CSTPP1: variants seen among roughly 807,000 people sequenced by gnomAD.
CSTPP1 encodes the protein UPF0705 protein C11orf49.
the CSTPP1 span, among the ~76,000 whole-genome samples, chr11:47,117,179 G>T: frequency 1.3e-5 from 2 of 152,168 alleles, no homozygotes; most frequent in Non-Finnish European, 2.9e-5. Context: ...CTGTCATTAA[G>T]ATGTTCGCTG....
At chr11:46,954,974 T>A in the CSTPP1 span, among the ~76,000 whole-genome samples, 3 of 152,006 alleles carry the variant, frequency 2.0e-5, no homozygotes, top group Non-Finnish European at 4.4e-5. Flanking sequence ...AGTGATGGGG[T>A]CACCAAAGCC....
the CSTPP1 span, among the ~76,000 whole-genome samples, chr11:47,077,345 A>G: frequency 6.6e-6 from 1 of 151,852 alleles, no homozygotes; most frequent in African/African-American, 2.4e-5. Flanking sequence ...GATTAGAGGC[A>G]CCCGCCACCA....
chr11:47,115,352 G>C, the CSTPP1 span, among the ~76,000 whole-genome samples: 1 of 152,206 alleles, frequency 6.6e-6, no homozygotes, highest in African/African-American at 2.4e-5. Context: ...CATAAAATGA[G>C]TTAGGGAGGA....
the CSTPP1 span, among the ~76,000 whole-genome samples, chr11:47,054,864 C>T: frequency 6.6e-6 from 1 of 150,734 alleles, no homozygotes; most frequent in Admixed American, 6.6e-5. Context: ...AAGTTTTTGG[C>T]TTGGGCCACT....
chr11:46,978,791 C>T, the CSTPP1 span, among the ~76,000 whole-genome samples: 3 of 152,170 alleles, frequency 2.0e-5, no homozygotes, highest in African/African-American at 4.8e-5. Flanking sequence ...TCCCCACCTT[C>T]GTGCAGAGCC....
At chr11:47,016,322 A>G in the CSTPP1 span, among the ~76,000 whole-genome samples, 1 of 151,712 alleles carries the variant, frequency 6.6e-6, no homozygotes, top group East Asian at 1.9e-4. Flanking sequence ...AAGGCAAGAA[A>G]ACTTGAAAAA....
the CSTPP1 span, among the ~76,000 whole-genome samples, chr11:47,127,445 T>C: frequency 1.3e-5 from 2 of 152,186 alleles, no homozygotes; most frequent in Admixed American, 1.3e-4. Flanking sequence ...CTGTTATTCA[T>C]TCATCAATAA....
the CSTPP1 span, among the ~76,000 whole-genome samples, chr11:46,983,670 C>T: frequency 1.3e-5 from 2 of 152,122 alleles, no homozygotes; most frequent in Admixed American, 6.6e-5. Flanking sequence ...TGACACTCTC[C>T]GTGTTTTATT....
the CSTPP1 span, among the ~76,000 whole-genome samples, chr11:47,087,727 G>T: frequency 2.0e-5 from 3 of 152,254 alleles, no homozygotes; most frequent in Admixed American, 2.0e-4. Context: ...ATGTGTGTGT[G>T]TGTGTGTGTG....
At chr11:47,087,717 A>ATGTG in the CSTPP1 span, among the ~76,000 whole-genome samples, 35 of 150,196 alleles carry the variant, frequency 2.3e-4, 1 homozygote, top group African/African-American at 7.3e-4. Context: ...TGTCAAATGT[A>ATGTG]TGTGTGTGTG....
the CSTPP1 span, among the ~76,000 whole-genome samples, chr11:47,080,472 C>G: frequency 3.9e-5 from 6 of 152,018 alleles, no homozygotes; most frequent in Non-Finnish European, 8.8e-5. Flanking sequence ...AATAATTTCA[C>G]TATTTACTCT....
chr11:47,162,068 G>A, the CSTPP1 span: 26 of 989,034 alleles, frequency 2.6e-5, no homozygotes, highest in Admixed American at 6.1e-5. Flanking sequence ...CACCTGCGAC[G>A]CAAGTACCAG....
At chr11:47,027,091 G>A in the CSTPP1 span, among the ~76,000 whole-genome samples, 3 of 152,166 alleles carry the variant, frequency 2.0e-5, no homozygotes, top group South Asian at 2.1e-4. Flanking sequence ...AGTGCTCGGC[G>A]CATTGATTTT....
the CSTPP1 span, among the ~76,000 whole-genome samples, chr11:47,122,320 T>C: frequency 6.6e-6 from 1 of 151,544 alleles, no homozygotes; most frequent in Non-Finnish European, 1.5e-5. Flanking sequence ...TAAAAGATGA[T>C]GATCTTTTCA....
the CSTPP1 span, chr11:47,161,623 C>CG: frequency 6.2e-7 from 1 of 1,613,042 alleles, no homozygotes; most frequent in Non-Finnish European, 8.5e-7. Context: ...AAGAGACAGA[C>CG]GAGTCGGAGA....
chr11:47,068,442 G>A, the CSTPP1 span, among the ~76,000 whole-genome samples: 1 of 152,142 alleles, frequency 6.6e-6, no homozygotes, highest in Non-Finnish European at 1.5e-5. Flanking sequence ...TGAGGTGGGA[G>A]AATTGTTTGA....
the CSTPP1 span, among the ~76,000 whole-genome samples, chr11:47,055,034 A>G: frequency 7.0e-6 from 1 of 143,286 alleles, no homozygotes; most frequent in Non-Finnish European, 1.5e-5. Flanking sequence ...TCGACCTTCC[A>G]AGCTCAGGTG....
chr11:47,116,683 T>TG, the CSTPP1 span, among the ~76,000 whole-genome samples: 1 of 138,532 alleles, frequency 7.2e-6, no homozygotes, highest in Non-Finnish European at 1.6e-5. Context: ...AGGTTTTTTT[T>TG]TTTTTTTTTT....
chr11:47,041,224 A>G, the CSTPP1 span: 1 of 224,564 alleles, frequency 4.5e-6, no homozygotes, highest in South Asian at 4.2e-5. Context: ...GGGTTGGGGA[A>G]GAGAAGCTGG....
Sources: allele counts gnomAD v4.1 joint callset (sites outside exome capture counted in the v4.1 genomes callset), GRCh38; gene constraint gnomAD v4.1.1; transcripts MANE v1.5; gene names NCBI Gene and HGNC (gene_info 2026-07-23, HGNC 2026-07-21).